DPP10: variants seen among roughly 807,000 people sequenced by gnomAD.
DPP10 encodes dipeptidyl peptidase like 10, also known as inactive dipeptidyl peptidase 10.
DPP10 carries 33 observed loss-of-function variants against 120.9 expected under a neutral mutation model. The observed-to-expected ratio is 0.27, with a 90% CI of 0.21 to 0.37. DPP10 has a LOEUF of 0.37. Among genes scored for constraint, DPP10 ranks in the 10% least tolerant of loss-of-function variants. The probability of loss-of-function intolerance (pLI) is 1.00; values close to 1 mark genes in which losing one functional copy is unlikely to be tolerated. For missense variants in DPP10, 816 were observed against 942.8 expected (o/e 0.87, Z 1.76); for synonymous variants, 337 against 326.1 (o/e 1.03, Z -0.36).
intron 13 of DPP10, among the ~76,000 whole-genome samples, chr2:115,772,753 T>C (rs1404581438): frequency 6.6e-6 from 1 of 152,210 alleles, no homozygotes; most frequent in Non-Finnish European, 1.5e-5. Context: ...ACATTCTACA[T>C]CCTGCAATTC....
At chr2:115,612,654 A>G (rs2084197365) in intron 5 of DPP10, among the ~76,000 whole-genome samples, 2 of 152,124 alleles carry the variant, frequency 1.3e-5, no homozygotes, top group African/African-American at 2.4e-5. Flanking sequence ...TCATTTCTGC[A>G]CTTCTTAGCT....
chr2:115,356,033 A>G (rs1006038024), intron 3 of DPP10, among the ~76,000 whole-genome samples: 9 of 152,160 alleles, frequency 5.9e-5, no homozygotes, highest in Admixed American at 5.9e-4. Flanking sequence ...TGTCTTGGCT[A>G]TACAGGGTCT....
chr2:115,586,832 G>C (rs1179141844), intron 5 of DPP10, among the ~76,000 whole-genome samples: 2 of 151,974 alleles, frequency 1.3e-5, no homozygotes, highest in African/African-American at 2.4e-5. Flanking sequence ...TAAGGAACTT[G>C]AGTATCTTTT....
At chr2:115,801,402 C>G (rs1366268153) in intron 19 of DPP10, among the ~76,000 whole-genome samples, 2 of 152,162 alleles carry the variant, frequency 1.3e-5, no homozygotes, top group Admixed American at 6.5e-5. Context: ...TTGACTTCCT[C>G]TTTTCCTAAT....
In DPP10 at chr2:115,220,439, T is replaced by G. The variant is rs367616549; in HGVS notation, c.61-88800T>G. Among the ~76,000 whole-genome samples the G allele has an allele frequency of 2.6e-5, 4 of 152,142 alleles. No individual in the cohort carries two copies. In the East Asian group the frequency reaches 7.7e-4, roughly 29 times the overall value. On this transcript the variant is annotated intron_variant, in intron 1 of 25. Transcript: ENST00000410059. ...AAGAAAAATAAATTCAGGGTCAGCA[T>G]GGTGTCTCACACCTGTAATCCCAGT...
intron 1 of DPP10, among the ~76,000 whole-genome samples, chr2:114,557,508 C>T (rs757057899): frequency 2.0e-5 from 3 of 152,150 alleles, no homozygotes; most frequent in South Asian, 2.1e-4. Flanking sequence ...TGGATTTGTT[C>T]GTGCAATCCT....
intron 3 of DPP10, among the ~76,000 whole-genome samples, chr2:115,497,331 G>T (rs2076451854): frequency 1.3e-5 from 2 of 152,168 alleles, no homozygotes; most frequent in South Asian, 2.1e-4. Flanking sequence ...TTTCACCAAT[G>T]GTTCGCTTGG....
intron 5 of DPP10, among the ~76,000 whole-genome samples, chr2:115,602,854 T>C (rs990536191): frequency 1.3e-5 from 2 of 152,186 alleles, no homozygotes; most frequent in Non-Finnish European, 2.9e-5. Flanking sequence ...AAAATTACTT[T>C]GAAAGAAATA....
intron 1 of DPP10, among the ~76,000 whole-genome samples, chr2:115,177,406 T>C (rs17044162): frequency 0.12 from 19,020 of 152,242 alleles, 1,363 homozygotes; most frequent in African/African-American, 0.17. Flanking sequence ...TCATTTTGTT[T>C]AGTTCGGCAG....
At chr2:115,625,768 A>G (rs543610089) in intron 5 of DPP10, among the ~76,000 whole-genome samples, 5 of 152,196 alleles carry the variant, frequency 3.3e-5, no homozygotes, top group Admixed American at 3.3e-4. Flanking sequence ...AAAACTACCT[A>G]AGGTGCTCAT....
At chr2:114,750,624 C>CT (rs1417362501) in intron 1 of DPP10, among the ~76,000 whole-genome samples, 4 of 152,212 alleles carry the variant, frequency 2.6e-5, no homozygotes, top group Non-Finnish European at 5.9e-5. Flanking sequence ...TGAGCCACCG[C>CT]TCCCAGCCAC....
rs150306426 is a variant in DPP10 at position 114,443,260 on chromosome 2, A to T, written c.60+422A>T. 1.4e-3 allele frequency among the ~76,000 whole-genome samples: 213 copies of T among 152,164 alleles called. 1 individual carries two copies. Among genetic ancestry groups the T allele is most frequent in the African/African-American group, 4.5e-3 (187 of 41,526 alleles). The stretch of plus-strand genomic sequence containing the variant: ...AATTTTGGATCTCTTATCCTTTTTT[A>T]AAAAAAGCTCATCCTTCATTGTGAG... On this transcript the variant is annotated intron_variant, in intron 1 of 25. Transcript: ENST00000410059.
chr2:114,689,867 C>A (rs910449881), intron 1 of DPP10, among the ~76,000 whole-genome samples: 1 of 151,564 alleles, frequency 6.6e-6, no homozygotes, highest in Non-Finnish European at 1.5e-5. Flanking sequence ...TGGTTGGCCG[C>A]GTGTATGTCT....
intron 5 of DPP10, among the ~76,000 whole-genome samples, chr2:115,558,805 C>T (rs1001356993): frequency 6.6e-5 from 10 of 152,146 alleles, no homozygotes; most frequent in African/African-American, 2.4e-4. Context: ...TTCAGAAAGG[C>T]AGTAGGGACT....
At chr2:115,666,696 G>A (rs2149428050) in intron 5 of DPP10, among the ~76,000 whole-genome samples, 1 of 152,192 alleles carries the variant, frequency 6.6e-6, no homozygotes, top group South Asian at 2.1e-4. Context: ...CTTTGCTATT[G>A]GGAATAGTGT....
chr2:115,280,037 T>C (rs192888043), intron 1 of DPP10, among the ~76,000 whole-genome samples: 137 of 152,302 alleles, frequency 9.0e-4, no homozygotes, highest in African/African-American at 3.0e-3. Flanking sequence ...TTAATAGTTC[T>C]CAGTAAATGC....
intron 5 of DPP10, among the ~76,000 whole-genome samples, chr2:115,637,735 G>A (rs1322181166): frequency 2.6e-5 from 4 of 152,124 alleles, no homozygotes; most frequent in African/African-American, 9.7e-5. Context: ...ATTTTCTCTA[G>A]GAGGGAGGCC....
chr2:115,470,783 A>G (rs1271059669), intron 3 of DPP10, among the ~76,000 whole-genome samples: 1 of 152,102 alleles, frequency 6.6e-6, no homozygotes, highest in Non-Finnish European at 1.5e-5. Context: ...ATTTTAATGT[A>G]TGATCTGTCT....
chr2:115,466,223 C>T (rs843435), intron 3 of DPP10, among the ~76,000 whole-genome samples: 92,452 of 152,016 alleles, frequency 0.61, 30,136 homozygotes, highest in Non-Finnish European at 0.74. Flanking sequence ...ACCTGGGACT[C>T]TTTAGAACCT....
Sources: gnomAD v4.1 joint callset for allele counts (sites outside exome capture counted in the v4.1 genomes callset) on GRCh38, gnomAD v4.1.1 for gene constraint, MANE v1.5 for transcripts, NCBI Gene and HGNC (gene_info 2026-07-23, HGNC 2026-07-21) for gene names.